PRKN: variants seen among roughly 807,000 people sequenced by gnomAD.
The protein encoded by PRKN is parkin RBR E3 ubiquitin protein ligase.
Under a neutral mutation model 59.5 loss-of-function variants are expected in PRKN, and 56 were observed. The observed-to-expected ratio is 0.94, with a 90% confidence interval of 0.76 to 1.18. The LOEUF (loss-of-function observed/expected upper bound fraction) is 1.18. Ranked by LOEUF, PRKN falls within the 50% of genes most tolerant of loss-of-function variation. PRKN has a pLI of 0.00. For synonymous variants in PRKN, 250 were observed against 222.1 expected, an observed-to-expected ratio of 1.13 and a Z score of -1.12; for missense variants, 657 against 596.4, an observed-to-expected ratio of 1.10 and a Z score of -1.06.
chr6:162,503,537 A>T (rs1033025801), intron 1 of PRKN, among the ~76,000 whole-genome samples: 7 of 152,184 alleles, frequency 4.6e-5, no homozygotes, highest in Non-Finnish European at 7.3e-5. Context: ...GAAAATTCCA[A>T]AATGTAGGAA....
At chr6:162,047,669 C>T (rs983895131) in intron 5 of PRKN, among the ~76,000 whole-genome samples, 4 of 152,186 alleles carry the variant, frequency 2.6e-5, no homozygotes, top group African/African-American at 9.6e-5. Context: ...AATACAGATT[C>T]CTTGGAGGAT....
rs116751846 is a variant in PRKN at position 162,180,392 on chromosome 6, A to G, written c.534+20739T>C. 2.8e-3 allele frequency among the ~76,000 whole-genome samples: 425 copies of G among 152,296 alleles called. 2 individuals carry two copies. The highest frequency in any genetic ancestry group is 9.2e-3 in the African/African-American group (384 of 41,568). On this transcript the variant is annotated intron_variant, in intron 4 of 11. Transcript: ENST00000366898. ...TCACATTGCATGCCTGAATCAAAAC[A>G]CATCATGTACCACAGAAATATGAAC...
chr6:162,598,745 C>T (rs532957696), intron 1 of PRKN, among the ~76,000 whole-genome samples: 4 of 149,140 alleles, frequency 2.7e-5, no homozygotes, highest in Non-Finnish European at 4.4e-5. Flanking sequence ...CCCAGTTACT[C>T]GGGAGGCTGA....
chr6:162,023,091 C>T (rs983128863), intron 5 of PRKN, among the ~76,000 whole-genome samples: 5 of 151,994 alleles, frequency 3.3e-5, no homozygotes, highest in Non-Finnish European at 7.4e-5. Context: ...GGGGGTGTGG[C>T]TTGCTTCTTC....
chr6:162,039,831 G>T (rs1783994923), intron 5 of PRKN, among the ~76,000 whole-genome samples: 1 of 152,130 alleles, frequency 6.6e-6, no homozygotes, highest in South Asian at 2.1e-4. Flanking sequence ...ATATATCAAA[G>T]TGTGTATAGT....
intron 4 of PRKN, among the ~76,000 whole-genome samples, chr6:162,114,120 T>C (rs1241301530): frequency 6.6e-6 from 1 of 151,832 alleles, no homozygotes; most frequent in Non-Finnish European, 1.5e-5. Flanking sequence ...TACTGTAGCC[T>C]TGTAGTATAG....
At chr6:161,902,415 C>A (rs551860684) in intron 6 of PRKN, among the ~76,000 whole-genome samples, 7 of 152,102 alleles carry the variant, frequency 4.6e-5, no homozygotes, top group East Asian at 1.9e-4. Context: ...TGGGTTAAGA[C>A]GGTCTAAATA....
chr6:161,416,052 C>T (rs1400010858), intron 9 of PRKN, among the ~76,000 whole-genome samples: 2 of 152,138 alleles, frequency 1.3e-5, no homozygotes, highest in African/African-American at 4.8e-5. Context: ...TCCTCCCACC[C>T]CAGGCGCAGC....
intron 7 of PRKN, among the ~76,000 whole-genome samples, chr6:161,624,770 T>C (rs1289753258): frequency 1.3e-5 from 2 of 152,230 alleles, no homozygotes; most frequent in African/African-American, 4.8e-5. Context: ...TTAAACAGTT[T>C]GGTCTGATAA....
intron 6 of PRKN, among the ~76,000 whole-genome samples, chr6:161,946,875 C>T (rs1420930301): frequency 6.6e-6 from 1 of 152,122 alleles, no homozygotes; most frequent in African/African-American, 2.4e-5. Context: ...TCAAGTATGT[C>T]CATAGGGGTC....
At chr6:161,565,695 A>G (rs530335084) in intron 8 of PRKN, among the ~76,000 whole-genome samples, 1 of 152,140 alleles carries the variant, frequency 6.6e-6, no homozygotes, top group Non-Finnish European at 1.5e-5. Flanking sequence ...TCTTTCCTTT[A>G]TAAGTTACCC....
At position 161,973,286 on chromosome 6, in the gene PRKN, AT is replaced by A; in HGVS notation, c.734+15del. 1 of 1,545,160 alleles carries A rather than the reference AT, an allele frequency of 6.5e-7. No homozygotes were observed. The highest frequency in any genetic ancestry group is 9.0e-7 in the Non-Finnish European group (1 of 1,117,054). Reference sequence around the variant, plus strand: ...CACGTCCGTGGAGGGAAGTGACACTATTTTTAGATCCTTACCTGACGTCTGT... The same window carrying A: ...CACGTCCGTGGAGGGAAGTGACACTATTTTAGATCCTTACCTGACGTCTGT... On this transcript the variant is annotated intron_variant, in intron 6 of 11. Coordinates refer to ENST00000366898, the MANE Select transcript of PRKN (RefSeq NM_004562.3).
intron 1 of PRKN, among the ~76,000 whole-genome samples, chr6:162,483,589 G>A (rs950849640): frequency 2.2e-4 from 34 of 151,898 alleles, no homozygotes; most frequent in South Asian, 2.1e-4. Context: ...GGGAGACGGG[G>A]AAAGGAAAGA....
intron 7 of PRKN, among the ~76,000 whole-genome samples, chr6:161,739,188 A>G (rs1032686693): frequency 9.9e-5 from 15 of 152,236 alleles, no homozygotes; most frequent in Admixed American, 8.5e-4. Flanking sequence ...TGGGAGGATC[A>G]CTTGAGGTCA....
chr6:162,131,621 T>G (rs1450353768), intron 4 of PRKN, among the ~76,000 whole-genome samples: 1 of 152,226 alleles, frequency 6.6e-6, no homozygotes, highest in Non-Finnish European at 1.5e-5. Flanking sequence ...TCCCTTGAGC[T>G]ACTTTCTTGG....
intron 1 of PRKN, among the ~76,000 whole-genome samples, chr6:162,530,485 G>A (rs959143311): frequency 1.3e-5 from 2 of 152,130 alleles, no homozygotes; most frequent in African/African-American, 2.4e-5. Flanking sequence ...GTTAAAGTCC[G>A]AGACCCACCA....
At chr6:162,647,450 C>G (rs1182427071) in intron 1 of PRKN, among the ~76,000 whole-genome samples, 2 of 151,204 alleles carry the variant, frequency 1.3e-5, no homozygotes, top group African/African-American at 4.8e-5. Context: ...CTTAATATTA[C>G]AAAATTGTGA....
Position 161,801,516 on chromosome 6 carries a change from T to G in PRKN, c.735-15608A>C, listed in dbSNP as rs949746866. ...CTGATTTGATTACGGGGCTTTAACT[T>G]ATTGAGCTATAAACATCGAACAGTG... On this transcript the variant is annotated intron_variant, in intron 6 of 11. Coordinates refer to ENST00000366898, the MANE Select transcript of PRKN (RefSeq NM_004562.3). 7.2e-5 allele frequency among the ~76,000 whole-genome samples: 11 copies of G among 152,304 alleles called. 1 individual carries two copies. Among genetic ancestry groups the G allele is most frequent in the African/African-American group, 2.6e-4 (11 of 41,566 alleles).
chr6:161,577,587 G>C (rs1781179276), intron 7 of PRKN, among the ~76,000 whole-genome samples: 1 of 152,152 alleles, frequency 6.6e-6, no homozygotes, highest in African/African-American at 2.4e-5. Flanking sequence ...TTCAGAATAA[G>C]CTGAAAGAAG....
Sources: allele counts gnomAD v4.1 joint callset (sites outside exome capture counted in the v4.1 genomes callset), GRCh38; gene constraint gnomAD v4.1.1; transcripts MANE v1.5; gene names NCBI Gene and HGNC (gene_info 2026-07-23, HGNC 2026-07-21).